NAV2: variants seen among roughly 807,000 people sequenced by gnomAD.
NAV2 encodes helicase, APC down-regulated 1.
A neutral mutation model predicts 223.2 loss-of-function variants in NAV2; 54 were observed. That is an observed-to-expected ratio of 0.24 (90% CI 0.19 to 0.30). The LOEUF is 0.30. Ranked by LOEUF, NAV2 falls within the 10% of genes least tolerant of loss-of-function variation. NAV2 has a pLI of 1.00. For synonymous variants in NAV2, 1,279 were observed against 1,239.3 expected (o/e 1.03, Z -0.67); for missense variants, 2,806 against 3,147.5 (o/e 0.89, Z 2.60).
At chr11:19,490,527 G>A (rs987974568) in intron 1 of NAV2, among the ~76,000 whole-genome samples, 13 of 152,164 alleles carry the variant, frequency 8.5e-5, no homozygotes, top group African/African-American at 2.4e-4. Context: ...TCCATAAGAA[G>A]CAACTTCTCA....
intron 1 of NAV2, among the ~76,000 whole-genome samples, chr11:19,759,334 C>G (rs1460580904): frequency 6.6e-6 from 1 of 152,088 alleles, no homozygotes; most frequent in Non-Finnish European, 1.5e-5. Context: ...CCGCCTGCCT[C>G]TGCCTCCCAA....
chr11:19,750,963 A>T (rs776621300), intron 1 of NAV2, among the ~76,000 whole-genome samples: 4 of 152,190 alleles, frequency 2.6e-5, no homozygotes, highest in Non-Finnish European at 4.4e-5. Context: ...AGATGAAGAC[A>T]CTGAGGCAAT....
intron 1 of NAV2, among the ~76,000 whole-genome samples, chr11:19,570,931 CT>C (rs1453653216): frequency 2.0e-5 from 3 of 152,192 alleles, no homozygotes; most frequent in African/African-American, 7.2e-5. Flanking sequence ...AATTTTACTT[CT>C]AGGCGTACAC....
At chr11:19,632,066 G>A (rs2047361715) in intron 1 of NAV2, among the ~76,000 whole-genome samples, 1 of 152,200 alleles carries the variant, frequency 6.6e-6, no homozygotes, top group Non-Finnish European at 1.5e-5. Context: ...AGGCAGGGTG[G>A]GGGTGTGGGG....
chr11:19,974,488 C>A (rs1565676907), intron 10 of NAV2, among the ~76,000 whole-genome samples: 1 of 152,148 alleles, frequency 6.6e-6, no homozygotes, highest in Non-Finnish European at 1.5e-5. Context: ...CACACTAATA[C>A]AAAATATTAA....
chr11:19,611,471 G>A (rs1316115566), intron 1 of NAV2, among the ~76,000 whole-genome samples: 1 of 152,162 alleles, frequency 6.6e-6, no homozygotes, highest in African/African-American at 2.4e-5. Flanking sequence ...CTGCCTATGA[G>A]CCTGTAAAAT....
Position 20,095,774 on chromosome 11 carries a change from G to T in NAV2, c.6012+7G>T, listed in dbSNP as rs1473447341. On this transcript the variant is annotated splice_region_variant and intron_variant, in intron 30 of 37. Transcript: ENST00000349880. ...GGTTAGACGGCTGTTCAAAGTAAGT[G>T]TTTCAAGACAACGGCTACAGCATAC... 6.2e-6 allele frequency: 10 copies of T among 1,609,696 alleles called. No individual in the cohort carries two copies. Among genetic ancestry groups the T allele is most frequent in the Non-Finnish European group, 8.5e-6 (10 of 1,176,062 alleles).
chr11:19,853,474 TA>T (rs1319697813), intron 3 of NAV2, among the ~76,000 whole-genome samples: 1 of 152,114 alleles, frequency 6.6e-6, no homozygotes, highest in Non-Finnish European at 1.5e-5. Context: ...CACAAAGTTG[TA>T]AACTCTCTTA....
intron 5 of NAV2, among the ~76,000 whole-genome samples, chr11:19,881,387 A>C (rs1375117037): frequency 1.3e-5 from 2 of 152,032 alleles, no homozygotes; most frequent in Non-Finnish European, 2.9e-5. Context: ...AGTGGGAGTC[A>C]CTCCCAGTCA....
At chr11:19,582,137 G>A (rs376076226) in intron 1 of NAV2, among the ~76,000 whole-genome samples, 2 of 152,136 alleles carry the variant, frequency 1.3e-5, no homozygotes, top group African/African-American at 4.8e-5. Flanking sequence ...ATTTTTTCAT[G>A]TGTTTTTTGG....
intron 1 of NAV2, among the ~76,000 whole-genome samples, chr11:19,556,126 C>G (rs2044881782): frequency 6.6e-6 from 1 of 152,194 alleles, no homozygotes; most frequent in Non-Finnish European, 1.5e-5. Context: ...AAAATGTTCA[C>G]TCTACCACTG....
At chr11:19,349,216 G>T (rs973784583), upstream of NAV2, among the ~76,000 whole-genome samples, 3 of 152,202 alleles carry the variant, frequency 2.0e-5, no homozygotes, top group Non-Finnish European at 4.4e-5. Flanking sequence ...GCAGAAATCT[G>T]TTCTGGCCGA....
At chr11:19,613,566 G>A (rs1565100585) in intron 1 of NAV2, among the ~76,000 whole-genome samples, 1 of 152,036 alleles carries the variant, frequency 6.6e-6, no homozygotes, top group Non-Finnish European at 1.5e-5. Flanking sequence ...ATGTTGGAGG[G>A]GGTCTGAGCT....
At chr11:19,635,949 T>G (rs749369615) in intron 1 of NAV2, among the ~76,000 whole-genome samples, 14 of 152,238 alleles carry the variant, frequency 9.2e-5, no homozygotes, top group Non-Finnish European at 1.6e-4. Context: ...AAAGGTAATC[T>G]GAGTCATCAA....
intron 6 of NAV2, among the ~76,000 whole-genome samples, chr11:19,902,245 T>C (rs993629569): frequency 6.6e-6 from 1 of 152,158 alleles, no homozygotes; most frequent in African/African-American, 2.4e-5. Flanking sequence ...TTTGCCCCCT[T>C]TGGGAGTCAT....
chr11:19,757,717 G>A (rs1471919985), intron 1 of NAV2, among the ~76,000 whole-genome samples: 2 of 152,134 alleles, frequency 1.3e-5, no homozygotes, highest in Non-Finnish European at 2.9e-5. Flanking sequence ...CTTATTGAGG[G>A]TATGGTATGT....
At chr11:19,696,996 G>T (rs1446846153) in intron 1 of NAV2, among the ~76,000 whole-genome samples, 1 of 152,168 alleles carries the variant, frequency 6.6e-6, no homozygotes, top group Non-Finnish European at 1.5e-5. Flanking sequence ...TGAGTCGCTT[G>T]CCCGAGGTTA....
intron 1 of NAV2, chr11:19,511,271 G>A (rs2043270900): frequency 6.6e-6 from 1 of 152,228 alleles, no homozygotes; most frequent in Non-Finnish European, 1.5e-5. Context: ...AGGACAGGTA[G>A]CCCCAGTGGC....
At chr11:19,476,802 T>A (rs1312047165) in intron 1 of NAV2, among the ~76,000 whole-genome samples, 4 of 152,210 alleles carry the variant, frequency 2.6e-5, no homozygotes, top group Non-Finnish European at 5.9e-5. Context: ...CAAAAGGTGA[T>A]GTCCAAATTC....
Sources: gnomAD v4.1 joint callset for allele counts (sites outside exome capture counted in the v4.1 genomes callset) on GRCh38, gnomAD v4.1.1 for gene constraint, MANE v1.5 for transcripts, NCBI Gene and HGNC (gene_info 2026-07-23, HGNC 2026-07-21) for gene names.